SORCS2: variants seen among roughly 807,000 people sequenced by gnomAD.
SORCS2 encodes the protein VPS10 domain-containing receptor SorCS2.
SORCS2 carries 100 observed loss-of-function variants against 141.6 expected under a neutral mutation model. The ratio of observed to expected loss-of-function variants is 0.71; its 90% confidence interval spans 0.60 to 0.83. The LOEUF (loss-of-function observed/expected upper bound fraction) is 0.83, where lower values mean the gene tolerates loss of function less well. Among genes scored for constraint, SORCS2 ranks in the 40% least tolerant of loss-of-function variants. The pLI, the probability that SORCS2 is intolerant of heterozygous loss-of-function variation, is 0.00. For missense variants in SORCS2, 1,646 were observed against 1,560.2 expected, an observed-to-expected ratio of 1.05 and a Z score of -0.93; for synonymous variants, 789 against 676.9, an observed-to-expected ratio of 1.17 and a Z score of -2.57.
chr4:7,536,830 T>TGG, intron 3 of SORCS2, among the ~76,000 whole-genome samples: 2 of 5,512 alleles, frequency 3.6e-4, no homozygotes, highest in South Asian at 0.013. Flanking sequence ...CATACTCAGA[T>TGG]GTGGGGGGGG....
At position 7,414,892 on chromosome 4, in the gene SORCS2, G is replaced by T. The variant is rs189027615; in HGVS notation, c.548+18537G>T. On this transcript the variant is annotated intron_variant, in intron 2 of 26. Transcript: ENST00000507866. Reference sequence around the variant, plus strand: ...AATTGCGCTCCTTTGAAATGCTGAGGATCTGTTTACCCAGGCCAACTCCTC... The same window carrying T: ...AATTGCGCTCCTTTGAAATGCTGAGTATCTGTTTACCCAGGCCAACTCCTC... 1.1e-3 allele frequency among the ~76,000 whole-genome samples: 173 copies of T among 152,222 alleles called. 2 individuals are homozygous for T. The Middle Eastern group carries it at 0.02, about 18-fold the overall frequency.
chr4:7,518,410 A>C (rs1733119181), intron 2 of SORCS2, among the ~76,000 whole-genome samples: 1 of 151,958 alleles, frequency 6.6e-6, no homozygotes, highest in South Asian at 2.1e-4. Flanking sequence ...TCCTGCTGGG[A>C]ATTCCTAGGC....
intron 2 of SORCS2, among the ~76,000 whole-genome samples, chr4:7,453,555 T>G (rs1728636634): frequency 1.4e-5 from 2 of 145,310 alleles, no homozygotes; most frequent in Non-Finnish European, 3.0e-5. Flanking sequence ...AGGTGCTGTG[T>G]GTTGGGGTCA....
At chr4:7,356,879 G>T (rs1339703467) in intron 1 of SORCS2, among the ~76,000 whole-genome samples, 1 of 152,216 alleles carries the variant, frequency 6.6e-6, no homozygotes, top group Non-Finnish European at 1.5e-5. Flanking sequence ...CCTGCTGGCT[G>T]GGGCCAGGCT....
At chr4:7,714,778 A>C (rs566153866) in intron 16 of SORCS2, among the ~76,000 whole-genome samples, 1 of 152,096 alleles carries the variant, frequency 6.6e-6, no homozygotes, top group Non-Finnish European at 1.5e-5. Context: ...CCACAGGACA[A>C]TTTGGCTAAC....
chr4:7,258,759 G>A (rs375367775), intron 1 of SORCS2, among the ~76,000 whole-genome samples: 7 of 152,280 alleles, frequency 4.6e-5, no homozygotes, highest in Admixed American at 2.6e-4. Flanking sequence ...TTACACTCCC[G>A]CCAACGGTGG....
chr4:7,712,489 T>C lies in SORCS2; in HGVS notation c.1869-244T>C, dbSNP rs546408964. 1.7e-4 allele frequency among the ~76,000 whole-genome samples: 26 copies of C among 152,326 alleles called. No individual in the cohort carries two copies. In the South Asian group the frequency reaches 3.3e-3, roughly 19 times the overall value. On this transcript the variant is annotated intron_variant, in intron 14 of 26. Transcript: ENST00000507866. ...AACCAGAGCGACTCACGCAGTGCAA[T>C]TGACAAGTCATAGATCACAGGTGGT...
At chr4:7,495,457 T>C (rs62280169) in intron 2 of SORCS2, among the ~76,000 whole-genome samples, 219 of 152,352 alleles carry the variant, frequency 1.4e-3, no homozygotes, top group Non-Finnish European at 2.4e-3. Context: ...TGGGCCTTGC[T>C]TTCCCCATCC....
At chr4:7,501,092 AG>A (rs1211569863) in intron 2 of SORCS2, among the ~76,000 whole-genome samples, 1 of 152,158 alleles carries the variant, frequency 6.6e-6, no homozygotes, top group African/African-American at 2.4e-5. Flanking sequence ...TGTTTTTCTC[AG>A]GGTGCTGACC....
At chr4:7,730,848 T>C (rs1225825518) in intron 23 of SORCS2, among the ~76,000 whole-genome samples, 1 of 152,224 alleles carries the variant, frequency 6.6e-6, no homozygotes, top group Non-Finnish European at 1.5e-5. Context: ...CTACAATGCA[T>C]TAAATTGTAC....
chr4:7,554,702 G>A (rs35645383), intron 3 of SORCS2, among the ~76,000 whole-genome samples: 22,471 of 152,178 alleles, frequency 0.15, 1,678 homozygotes, highest in Non-Finnish European at 0.16. Flanking sequence ...TAAGAGGAGT[G>A]CCAGGATTGA....
chr4:7,397,536 G>GTGA (rs1724293095), intron 2 of SORCS2, among the ~76,000 whole-genome samples: 1 of 152,148 alleles, frequency 6.6e-6, no homozygotes, highest in African/African-American at 2.4e-5. Context: ...CGGGGGGTGA[G>GTGA]TGATGGGTCG....
chr4:7,555,415 G>A (rs563969492), intron 3 of SORCS2, among the ~76,000 whole-genome samples: 9 of 152,232 alleles, frequency 5.9e-5, no homozygotes, highest in Non-Finnish European at 1.2e-4. Flanking sequence ...CTGTGCAGGA[G>A]CACAAATGCC....
At chr4:7,481,698 G>C (rs1033565906) in intron 2 of SORCS2, among the ~76,000 whole-genome samples, 9 of 152,108 alleles carry the variant, frequency 5.9e-5, no homozygotes, top group African/African-American at 1.9e-4. Flanking sequence ...GAGCCTCGGT[G>C]GTGGGGAGGG....
chr4:7,655,532 T>G (rs1296287492), intron 5 of SORCS2, among the ~76,000 whole-genome samples: 1 of 152,264 alleles, frequency 6.6e-6, no homozygotes, highest in African/African-American at 2.4e-5. Flanking sequence ...ACTGGCGTCC[T>G]GGCCACCCCA....
chr4:7,711,166 T>C (rs1725804939), intron 14 of SORCS2, among the ~76,000 whole-genome samples: 1 of 152,204 alleles, frequency 6.6e-6, no homozygotes, highest in South Asian at 2.1e-4. Context: ...CAATAGTGTC[T>C]GCCTCTTGGG....
At chr4:7,705,063 G>T (rs1036437711) in intron 14 of SORCS2, among the ~76,000 whole-genome samples, 6 of 152,190 alleles carry the variant, frequency 3.9e-5, no homozygotes, top group African/African-American at 1.4e-4. Flanking sequence ...ATTTGGAAAT[G>T]GGGTTATTGT....
chr4:7,309,893 G>A (rs1718076307), intron 1 of SORCS2, among the ~76,000 whole-genome samples: 1 of 152,200 alleles, frequency 6.6e-6, no homozygotes, highest in Admixed American at 6.5e-5. Context: ...GCGAGCTTAT[G>A]CCCTCTCCGG....
chr4:7,607,297 C>T (rs1465639075), intron 3 of SORCS2, among the ~76,000 whole-genome samples: 1 of 152,202 alleles, frequency 6.6e-6, no homozygotes, highest in Non-Finnish European at 1.5e-5. Context: ...GAGACAGATG[C>T]TCCACGCAGA....
Sources: allele counts gnomAD v4.1 joint callset (sites outside exome capture counted in the v4.1 genomes callset), GRCh38; gene constraint gnomAD v4.1.1; transcripts MANE v1.5; gene names NCBI Gene and HGNC (gene_info 2026-07-23, HGNC 2026-07-21).